Variants in NEDD1 observed in about 807,000 individuals in gnomAD.
The protein encoded by NEDD1 is protein NEDD1.
In NEDD1, 33 loss-of-function variants were observed where a neutral mutation model predicts 74.0. That is an observed-to-expected ratio of 0.45 (90% CI 0.34 to 0.60). The LOEUF is 0.60. Ranked by LOEUF, NEDD1 falls within the 20% of genes least tolerant of loss-of-function variation. The pLI is 0.01. For missense variants in NEDD1, 746 were observed against 776.5 expected (o/e 0.96, Z 0.47); for synonymous variants, 250 against 264.4 (o/e 0.95, Z 0.53).
At chr12:96,912,673 G>C (rs751615253) in intron 3 of NEDD1, 50 bp from the exon 4 acceptor site, 1 of 845,400 alleles carries the variant, frequency 1.2e-6, no homozygotes, top group Non-Finnish European at 2.0e-6. Context: ...TAATAGTCTA[G>C]TGCTATAGAT....
At position 96,909,996 on chromosome 12, in the gene NEDD1, T is replaced by A. The variant is rs1873748109; in HGVS notation, c.136+101T>A. The A allele has an allele frequency of 1.0e-5, 13 of 1,276,806 alleles. No homozygotes were observed. The South Asian group carries it at 2.2e-4, about 22-fold the overall frequency. 79.1% of individuals were successfully genotyped at this position (1,276,806 alleles called of 1,614,324 possible). ...ACTTTTGCATGTGCCTCATACTGAG[T>A]AATGTGTTTTGCATTGCTACCAAGG... On this transcript the variant is annotated intron_variant, in intron 3 of 15. Transcript: ENST00000266742.
chr12:96,926,509 T>G (rs975738714), intron 6 of NEDD1, among the ~76,000 whole-genome samples: 2 of 152,272 alleles, frequency 1.3e-5, no homozygotes, highest in South Asian at 4.1e-4. Context: ...TTTACATACT[T>G]ATGTTTTCCT....
chr12:96,912,757 C>G lies in NEDD1; in HGVS notation c.171C>G (p.Asp57Glu). 6.2e-7 allele frequency: 1 copy of G among 1,608,404 alleles called. No individual in the cohort carries two copies. The change falls in exon 4 of 16, where the codon GAC becomes GAG. Residue 57 changes from aspartate (D) to glutamate (E), a missense_variant. Around this residue, in one of 3 missense-constraint regions of NEDD1, gnomAD observed 706 missense variants for 706.7 expected, o/e 1.00. Transcript: ENST00000266742. Reference protein sequence around the residue: ...NFLVTASSSGDKIVVSSCKCK... With the variant: ...NFLVTASSSGEKIVVSSCKCK... ...TAGTAACAGCATCTTCCAGTGGCGA[C>G]AAAATAGTTGTCTCAAGTTGCAAAT...
chr12:96,918,968 C>G lies in NEDD1; in HGVS notation c.349-1017C>G, dbSNP rs536567028. 4.6e-5 allele frequency among the ~76,000 whole-genome samples: 7 copies of G among 152,254 alleles called. No homozygotes were observed. In the South Asian group the frequency reaches 1.5e-3, roughly 32 times the overall value. On this transcript the variant is annotated intron_variant, in intron 5 of 15. Coordinates refer to ENST00000266742, the MANE Select transcript of NEDD1 (RefSeq NM_152905.4). The stretch of plus-strand genomic sequence containing the variant: ...ATCTCTGAAAATACTTGAAGGACCA[C>G]TTGAAAAAGTTGTAATATAAGTGGA...
intron 6 of NEDD1, among the ~76,000 whole-genome samples, chr12:96,922,924 G>A (rs1439776452): frequency 6.6e-6 from 1 of 152,066 alleles, no homozygotes; most frequent in Non-Finnish European, 1.5e-5. Flanking sequence ...AGACCACCTT[G>A]GGCAATGTGG....
intron 6 of NEDD1, among the ~76,000 whole-genome samples, chr12:96,932,457 A>T (rs1242036887): frequency 1.0e-3 from 13 of 12,762 alleles, no homozygotes; most frequent in Non-Finnish European, 2.0e-3. Context: ...AAAAAAAAAA[A>T]AAAAAAATAT....
intron 6 of NEDD1, among the ~76,000 whole-genome samples, chr12:96,927,543 T>C (rs550271596): frequency 1.3e-5 from 2 of 152,230 alleles, no homozygotes; most frequent in East Asian, 3.8e-4. Flanking sequence ...TGCAGCCTTT[T>C]CCAAAGCAAT....
At chr12:96,909,712 TTAAA>T (rs750031447) in intron 2 of NEDD1, 36 bp from the exon 3 acceptor site, 1 of 1,546,560 alleles carries the variant, frequency 6.5e-7, no homozygotes, top group African/African-American at 1.4e-5. Context: ...ATGTCTATTC[TTAAA>T]TGTTTTTAAA....
chr12:96,935,233 T>A (rs776981627), intron 7 of NEDD1, 28 bp downstream of exon 7: 1 of 1,265,186 alleles, frequency 7.9e-7, no homozygotes, highest in Non-Finnish European at 1.2e-6. Flanking sequence ...ATTTCTTAAT[T>A]TAGTAACAAA....
In NEDD1 at chr12:96,937,430, G is replaced by GT. The variant is rs541988407; in HGVS notation, c.1117+47dup. 9.6e-3 allele frequency: 10,461 copies of GT among 1,087,966 alleles called. 1 individual carries two copies. Among genetic ancestry groups the GT allele is most frequent in the East Asian group, 0.014 (439 of 31,444 alleles). 67.4% of individuals were successfully genotyped at this position (1,087,966 alleles called of 1,614,324 possible). ...TTATATATTGTTGGAGGGTTGGTTT[G>GT]TTTTTTTTTTGTTTTTTTGTTTTTG... On this transcript the variant is annotated intron_variant, in intron 9 of 15. Coordinates refer to ENST00000266742, the MANE Select transcript of NEDD1 (RefSeq NM_152905.4).
rs2136639947 is a variant in NEDD1, at chr12:96,953,275, A to G, written c.*1222A>G. The G allele has an allele frequency of 6.6e-6, 1 of 151,664 alleles. No individual in the cohort carries two copies. The highest frequency in any genetic ancestry group is 2.1e-4 in the South Asian group (1 of 4,822). The allele number at this position is 151,664 out of a possible 1,614,324, so 9.4% of individuals were successfully genotyped here. A position where few individuals can be genotyped will look rare whatever the true frequency, so the allele number is the denominator to read the frequency against. Reference sequence around the variant, plus strand: ...TTTATGGGTTTCTGAAGTGATGGAAATTTTTAAGGATATATTTAATAAGCA... The same window carrying G: ...TTTATGGGTTTCTGAAGTGATGGAAGTTTTTAAGGATATATTTAATAAGCA... On this transcript the variant is annotated 3_prime_UTR_variant, in exon 16 of 16. Transcript: ENST00000266742.
At chr12:96,931,476 T>C (rs565636276) in intron 6 of NEDD1, among the ~76,000 whole-genome samples, 3 of 151,968 alleles carry the variant, frequency 2.0e-5, no homozygotes, top group Admixed American at 2.0e-4. Flanking sequence ...CAATAGAAAA[T>C]AGGCAAAGTA....
At chr12:96,916,797 A>G (rs959332706) in intron 4 of NEDD1, among the ~76,000 whole-genome samples, 1 of 152,176 alleles carries the variant, frequency 6.6e-6, no homozygotes, top group Admixed American at 6.5e-5. Flanking sequence ...ACATTTTTAA[A>G]GTCCACCCTA....
At chr12:96,937,430 GT>G (rs541988407) in intron 9 of NEDD1, 37 bp downstream of exon 9, 1,743 of 1,105,996 alleles carry the variant, frequency 1.6e-3, no homozygotes, top group South Asian at 3.0e-3. Flanking sequence ...GGGTTGGTTT[GT>G]TTTTTTTTTG....
chr12:96,931,614 A>G (rs140342241), intron 6 of NEDD1, among the ~76,000 whole-genome samples: 27 of 152,360 alleles, frequency 1.8e-4, no homozygotes, highest in Admixed American at 9.8e-4. Context: ...AAAAAAGGAT[A>G]GTAATCAGAG....
At chr12:96,925,017 GT>G (rs1218448442) in intron 6 of NEDD1, 1 of 290,124 alleles carries the variant, frequency 3.4e-6, no homozygotes, top group Non-Finnish European at 6.7e-6. Context: ...TATGTTGGAA[GT>G]TTTACATCAT....
At chr12:96,936,563 C>A (rs1408137055) in intron 7 of NEDD1, 48 bp from the exon 8 acceptor site, 2 of 1,308,582 alleles carry the variant, frequency 1.5e-6, no homozygotes, top group Admixed American at 1.7e-5. Context: ...AGCTAATATA[C>A]CTGTACACAC....
intron 9 of NEDD1, among the ~76,000 whole-genome samples, chr12:96,939,024 T>C (rs1877404246): frequency 1.3e-5 from 2 of 152,078 alleles, no homozygotes; most frequent in Admixed American, 1.3e-4. Flanking sequence ...TAAAATGTAT[T>C]GGAAGTACCT....
At position 96,907,457 on chromosome 12, in the gene NEDD1, C is replaced by A; in HGVS notation, c.-261-147C>A. The A allele has an allele frequency of 6.4e-6, 4 of 623,366 alleles. 1 individual carries two copies. Among genetic ancestry groups the A allele is most frequent in the African/African-American group, 5.8e-5 (3 of 51,388 alleles). 38.6% of individuals were successfully genotyped at this position (623,366 alleles called of 1,614,324 possible). The stretch of plus-strand genomic sequence containing the variant: ...GTTGCTGGGCGGGGGCGCGGCGGCG[C>A]GCTGGGCTGGGAAGTGTCCGGGGAG... On this transcript the variant is annotated intron_variant, in intron 1 of 15. Coordinates refer to ENST00000266742, the MANE Select transcript of NEDD1 (RefSeq NM_152905.4).
Sources: gnomAD v4.1 joint callset for allele counts (sites outside exome capture counted in the v4.1 genomes callset) on GRCh38, gnomAD v4.1.1 for gene constraint, gnomAD v4.1.1 regional missense constraint, MANE v1.5 for transcripts, NCBI Gene and HGNC (gene_info 2026-07-23, HGNC 2026-07-21) for gene names.